The following SUSD6 variants were observed in gnomAD, a reference collection of about 807,000 sequenced individuals.
SUSD6 encodes sushi domain-containing protein 6.
A neutral mutation model predicts 28.4 loss-of-function variants in SUSD6; 16 were observed. The observed-to-expected ratio is 0.56, with a 90% confidence interval of 0.38 to 0.86. SUSD6 has a LOEUF of 0.86. Ranked by LOEUF, SUSD6 falls within the 40% of genes least tolerant of loss-of-function variation. The pLI, the probability that SUSD6 is intolerant of heterozygous loss-of-function variation, is 0.00. For synonymous variants in SUSD6, 147 were observed against 159.6 expected (o/e 0.92, Z 0.59); for missense variants, 341 against 384.2 (o/e 0.89, Z 0.94).
At chr14:69,661,751 A>T (rs1225329218) in intron 2 of SUSD6, among the ~76,000 whole-genome samples, 1 of 152,142 alleles carries the variant, frequency 6.6e-6, no homozygotes, top group East Asian at 1.9e-4. Context: ...AGCCGAGGAA[A>T]GGCAGTTTAA....
At chr14:69,651,477 G>A (rs900245938) in intron 1 of SUSD6, among the ~76,000 whole-genome samples, 2 of 152,194 alleles carry the variant, frequency 1.3e-5, no homozygotes, top group Non-Finnish European at 2.9e-5. Context: ...ATTTTAACAG[G>A]AGTTTGATGT....
chr14:69,702,777 G>A (rs558834382), intron 2 of SUSD6, among the ~76,000 whole-genome samples: 169 of 152,320 alleles, frequency 1.1e-3, no homozygotes, highest in African/African-American at 3.9e-3. Context: ...CAAATAAGGC[G>A]GGAGGTGAAG....
At chr14:69,618,044 C>T (rs1884984705) in intron 1 of SUSD6, among the ~76,000 whole-genome samples, 1 of 152,216 alleles carries the variant, frequency 6.6e-6, no homozygotes, top group Non-Finnish European at 1.5e-5. Flanking sequence ...GGATGTGTCC[C>T]TGTGTGGTTT....
intron 3 of SUSD6, among the ~76,000 whole-genome samples, 174 bp from the exon 4 acceptor site, chr14:69,704,430 A>G (rs1000715992): frequency 2.0e-5 from 3 of 152,216 alleles, no homozygotes; most frequent in African/African-American, 7.2e-5. Flanking sequence ...GTCCTTTTCC[A>G]AAAGAACTGT....
intron 1 of SUSD6, among the ~76,000 whole-genome samples, chr14:69,630,164 T>C (rs1270621010): frequency 6.6e-6 from 1 of 152,224 alleles, no homozygotes; most frequent in African/African-American, 2.4e-5. Flanking sequence ...ATAGCAACTT[T>C]GAAGTAGATT....
chr14:69,674,408 C>T (rs2139625506), intron 2 of SUSD6, among the ~76,000 whole-genome samples: 1 of 152,308 alleles, frequency 6.6e-6, no homozygotes, highest in Non-Finnish European at 1.5e-5. Context: ...TCCTCGCTTC[C>T]ATCCTTCCTT....
intron 2 of SUSD6, among the ~76,000 whole-genome samples, chr14:69,676,045 A>T (rs1003525386): frequency 1.3e-5 from 2 of 152,232 alleles, no homozygotes; most frequent in Non-Finnish European, 2.9e-5. Context: ...GTCTTGTACA[A>T]GGAAGTCAGG....
At chr14:69,676,919 C>T (rs74321987) in intron 2 of SUSD6, among the ~76,000 whole-genome samples, 2,295 of 152,270 alleles carry the variant, frequency 0.015, 22 homozygotes, top group Middle Eastern at 0.037. Context: ...CAGCTGCTCC[C>T]GTTATTATGG....
At chr14:69,663,727 G>T (rs1885695706) in intron 2 of SUSD6, among the ~76,000 whole-genome samples, 1 of 152,188 alleles carries the variant, frequency 6.6e-6, no homozygotes, top group South Asian at 2.1e-4. Flanking sequence ...GATTTTAAGT[G>T]GTGAGGCTGG....
intron 1 of SUSD6, among the ~76,000 whole-genome samples, chr14:69,635,279 G>A (rs968266413): frequency 2.0e-5 from 3 of 152,324 alleles, no homozygotes; most frequent in South Asian, 2.1e-4. Context: ...GACTTTGGAT[G>A]AAGTTGTGTG....
At chr14:69,678,504 G>C (rs1362989513) in intron 2 of SUSD6, among the ~76,000 whole-genome samples, 1 of 152,026 alleles carries the variant, frequency 6.6e-6, no homozygotes, top group Non-Finnish European at 1.5e-5. Flanking sequence ...GTTGTTCACT[G>C]TTAAAAACAA....
chr14:69,637,897 C>T (rs1043367000), intron 1 of SUSD6, among the ~76,000 whole-genome samples: 2 of 152,064 alleles, frequency 1.3e-5, no homozygotes, highest in Admixed American at 6.5e-5. Flanking sequence ...CAGAGTCCAG[C>T]CCCCCTTCTC....
intron 2 of SUSD6, among the ~76,000 whole-genome samples, chr14:69,661,670 G>C (rs1480276293): frequency 6.6e-6 from 1 of 152,158 alleles, no homozygotes; most frequent in Non-Finnish European, 1.5e-5. Context: ...AAGCACACCT[G>C]TATGGCCGTG....
At chr14:69,710,251 T>G (rs1046948760) in intron 5 of SUSD6, among the ~76,000 whole-genome samples, 2 of 152,184 alleles carry the variant, frequency 1.3e-5, no homozygotes, top group Non-Finnish European at 2.9e-5. Flanking sequence ...CTAGCTTTGT[T>G]TTTTGTATTT....
intron 1 of SUSD6, among the ~76,000 whole-genome samples, chr14:69,651,267 G>A (rs1052874636): frequency 2.6e-5 from 4 of 152,210 alleles, no homozygotes; most frequent in Admixed American, 1.3e-4. Context: ...CTTAGGTGGG[G>A]TGGTAGTGTG....
chr14:69,641,491 T>C (rs954013063), intron 1 of SUSD6, among the ~76,000 whole-genome samples: 4 of 152,230 alleles, frequency 2.6e-5, no homozygotes, highest in African/African-American at 9.7e-5. Context: ...ATTTACTATT[T>C]TTTTCTTCTG....
chr14:69,677,828 G>A (rs1198052041), intron 2 of SUSD6, among the ~76,000 whole-genome samples: 2 of 152,190 alleles, frequency 1.3e-5, no homozygotes, highest in East Asian at 1.9e-4. Flanking sequence ...GAAGTGATAT[G>A]CCTTAGGTTG....
At chr14:69,660,318 C>T (rs886918850) in intron 2 of SUSD6, among the ~76,000 whole-genome samples, 2 of 152,108 alleles carry the variant, frequency 1.3e-5, no homozygotes, top group Non-Finnish European at 2.9e-5. Context: ...TCATTGTAGC[C>T]TTCTCCACTA....
At chr14:69,701,709 G>A (rs1886315090) in intron 2 of SUSD6, among the ~76,000 whole-genome samples, 1 of 152,116 alleles carries the variant, frequency 6.6e-6, no homozygotes, top group African/African-American at 2.4e-5. Flanking sequence ...GACTTGGGGG[G>A]AGCTTACTGG....
Sources: allele counts gnomAD v4.1 joint callset (sites outside exome capture counted in the v4.1 genomes callset), GRCh38; gene constraint gnomAD v4.1.1; transcripts MANE v1.5; gene names NCBI Gene and HGNC (gene_info 2026-07-23, HGNC 2026-07-21).